Variants in SCP2 observed in about 807,000 individuals in gnomAD.
The protein encoded by SCP2 is sterol carrier protein 2, also known as SCP-2/3-oxoacyl-CoA thiolase.
In SCP2, 48 loss-of-function variants were observed where a neutral mutation model predicts 71.4. The ratio of observed to expected loss-of-function variants is 0.67; its 90% CI spans 0.53 to 0.86. The LOEUF is 0.86. Ranked by LOEUF, SCP2 falls within the 40% of genes least tolerant of loss-of-function variation. The pLI, the probability that SCP2 is intolerant of heterozygous loss-of-function variation, is 0.00. For missense variants in SCP2, 560 were observed against 655.6 expected (o/e 0.85, Z 1.59); for synonymous variants, 220 against 218.1 (o/e 1.01, Z -0.08).
Position 53,009,074 on chromosome 1 carries a change from G to A in SCP2, c.1082-5816G>A, listed in dbSNP as rs566871167. Among the ~76,000 whole-genome samples the A allele has an allele frequency of 2.0e-5, 3 of 152,316 alleles. No homozygotes were observed. In the East Asian group the frequency reaches 5.8e-4, roughly 29 times the overall value. On this transcript the variant is annotated intron_variant, in intron 11 of 15. Coordinates refer to ENST00000371514, the MANE Select transcript of SCP2 (RefSeq NM_002979.5). ...CCTAGGAATCCAACTTACAAGGGAT[G>A]TGAAGGACCCCTTCAAGGAGAACTA...
In SCP2 at chr1:52,990,031, G is replaced by T. The variant is rs141610316; in HGVS notation, c.1081+1895G>T. On this transcript the variant is annotated intron_variant, in intron 11 of 15. Coordinates refer to ENST00000371514, the MANE Select transcript of SCP2 (RefSeq NM_002979.5). ...ATTATGCAGGTAGAGGTCCAGTAAA[G>T]ACCAGGAGACTTTTTAGTTCAGTCA... Among the ~76,000 whole-genome samples, 521 of 152,298 alleles carry T rather than the reference G, an allele frequency of 3.4e-3. 3 individuals are homozygous for T. The highest frequency in any genetic ancestry group is 0.012 in the African/African-American group (494 of 41,562).
chr1:53,000,343 C>A (rs943906940), intron 11 of SCP2, among the ~76,000 whole-genome samples: 1 of 151,608 alleles, frequency 6.6e-6, no homozygotes. Context: ...ATATTAATGT[C>A]TGTAATCTAC....
intron 3 of SCP2, among the ~76,000 whole-genome samples, chr1:52,950,548 T>C (rs1456524168): frequency 6.6e-6 from 1 of 152,246 alleles, no homozygotes; most frequent in African/African-American, 2.4e-5. Context: ...CTCTGTATTA[T>C]ATAAAGAAAG....
chr1:52,982,670 C>T (rs1658641412), intron 10 of SCP2, among the ~76,000 whole-genome samples: 1 of 152,210 alleles, frequency 6.6e-6, no homozygotes, highest in Admixed American at 6.5e-5. Flanking sequence ...TATTGTACCA[C>T]TTCACATAAA....
At chr1:53,046,330 C>CTTT (rs749725244) in intron 14 of SCP2, among the ~76,000 whole-genome samples, 6 of 120,914 alleles carry the variant, frequency 5.0e-5, no homozygotes, top group Admixed American at 1.6e-4. Flanking sequence ...TGGGTATTGT[C>CTTT]TTTTTTTTTT....
intron 1 of SCP2, among the ~76,000 whole-genome samples, chr1:52,935,792 G>C (rs1355981450): frequency 6.6e-6 from 1 of 151,982 alleles, no homozygotes; most frequent in African/African-American, 2.4e-5. Context: ...AGAAAAATTA[G>C]CTGGGTGCAG....
intron 1 of SCP2, among the ~76,000 whole-genome samples, chr1:52,931,197 A>G (rs1242328): frequency 0.41 from 62,789 of 152,068 alleles, 15,524 homozygotes; most frequent in Non-Finnish European, 0.57. Flanking sequence ...AAGATTCTGA[A>G]GTTGATGGAG....
intron 11 of SCP2, among the ~76,000 whole-genome samples, chr1:52,991,408 T>C (rs1659490487): frequency 6.6e-6 from 1 of 152,124 alleles, no homozygotes; most frequent in South Asian, 2.1e-4. Flanking sequence ...TTTTTTCTTT[T>C]TTTTTTCCTT....
chr1:52,935,954 A>T (rs1653703447), intron 1 of SCP2, among the ~76,000 whole-genome samples: 1 of 152,090 alleles, frequency 6.6e-6, no homozygotes, highest in African/African-American at 2.4e-5. Context: ...AAAAAAGAAT[A>T]TCCACAATTC....
At chr1:52,932,291 C>G (rs1204571134) in intron 1 of SCP2, among the ~76,000 whole-genome samples, 2 of 152,160 alleles carry the variant, frequency 1.3e-5, no homozygotes, top group African/African-American at 4.8e-5. Flanking sequence ...TTAGATTTCT[C>G]AACAGAAACC....
intron 5 of SCP2, among the ~76,000 whole-genome samples, chr1:52,960,717 C>CGT (rs145935532): frequency 0.12 from 12,441 of 103,960 alleles, 580 homozygotes; most frequent in East Asian, 0.26. Flanking sequence ...ATATTATGTG[C>CGT]GTGTGTGTGT....
At position 52,961,538 on chromosome 1, in the gene SCP2, T is replaced by G; in HGVS notation, c.432T>G (p.Val144=). ...SDRTIPTDKH[V]DLLINKYGLS... ...GAACCATTCCCACTGATAAGCATGT[T>G]GACCTCCTGATCAATAAGTATGGAT... The change falls in exon 6 of 16, where the codon GTT becomes GTG. Residue 144 remains valine (V), a synonymous_variant. Coordinates refer to ENST00000371514, the MANE Select transcript of SCP2 (RefSeq NM_002979.5). 1.9e-6 allele frequency: 3 copies of G among 1,613,768 alleles called. No homozygotes were observed. Among genetic ancestry groups the G allele is most frequent in the Non-Finnish European group, 2.5e-6 (3 of 1,179,690 alleles).
chr1:52,960,602 G>A (rs201973158), intron 5 of SCP2, among the ~76,000 whole-genome samples: 1 of 141,482 alleles, frequency 7.1e-6, no homozygotes, highest in Non-Finnish European at 1.5e-5. Context: ...ATGTATATAT[G>A]TATGTATATA....
intron 11 of SCP2, among the ~76,000 whole-genome samples, chr1:53,005,938 C>T (rs2150216411): frequency 6.6e-6 from 1 of 152,134 alleles, no homozygotes; most frequent in East Asian, 1.9e-4. Flanking sequence ...CCTTAAATGA[C>T]CTGATGGAGC....
Position 52,927,317 on chromosome 1 carries a change from A to C in SCP2, c.-80A>C. On this transcript the variant is annotated 5_prime_UTR_variant, in exon 1 of 16. Coordinates refer to ENST00000371514, the MANE Select transcript of SCP2 (RefSeq NM_002979.5). ...GCCCGCGGCCCTGGCTTCGGGCTTCAGGGAGCTCTGGTGCAGTCTCCGCCT... is the reference window on the plus strand; with the variant it reads ...GCCCGCGGCCCTGGCTTCGGGCTTCCGGGAGCTCTGGTGCAGTCTCCGCCT... The C allele has an allele frequency of 7.8e-7, 1 of 1,276,762 alleles. No individual in the cohort carries two copies. The highest frequency in any genetic ancestry group is 1.1e-6 in the Non-Finnish European group (1 of 905,156). The allele number at this position is 1,276,762 out of a possible 1,614,324, so 79.1% of individuals were successfully genotyped here. A position where few individuals can be genotyped will look rare whatever the true frequency, so the allele number is the denominator to read the frequency against.
intron 4 of SCP2, among the ~76,000 whole-genome samples, chr1:52,951,670 T>A (rs1655327914): frequency 6.6e-6 from 1 of 152,044 alleles, no homozygotes; most frequent in African/African-American, 2.4e-5. Flanking sequence ...GATTCAGTGT[T>A]TTTTGTATAT....
intron 5 of SCP2, among the ~76,000 whole-genome samples, chr1:52,956,078 C>T (rs775967896): frequency 2.0e-5 from 3 of 152,002 alleles, no homozygotes; most frequent in Non-Finnish European, 2.9e-5. Context: ...CTGAGATGGG[C>T]GGATCACTTG....
At chr1:53,037,848 C>A (rs1302101619) in intron 13 of SCP2, among the ~76,000 whole-genome samples, 1 of 147,754 alleles carries the variant, frequency 6.8e-6, no homozygotes, top group Non-Finnish European at 1.5e-5. Flanking sequence ...TGAGACCAGC[C>A]TGGGCAACAT....
intron 11 of SCP2, among the ~76,000 whole-genome samples, chr1:53,007,165 C>T (rs891446166): frequency 1.8e-4 from 27 of 152,136 alleles, no homozygotes; most frequent in Non-Finnish European, 3.4e-4. Flanking sequence ...GAATTAGACT[C>T]CCACACAATA....
Sources: allele counts gnomAD v4.1 joint callset (sites outside exome capture counted in the v4.1 genomes callset), GRCh38; gene constraint gnomAD v4.1.1; transcripts MANE v1.5; gene names NCBI Gene and HGNC (gene_info 2026-07-23, HGNC 2026-07-21).